The following ASMTL variants were observed in gnomAD, a reference collection of about 807,000 sequenced individuals.
The protein encoded by ASMTL is acetylserotonin O-methyltransferase like, also known as probable bifunctional dTTP/UTP pyrophosphatase/methyltransferase protein.
In ASMTL, 57 loss-of-function variants were observed where a neutral mutation model predicts 60.3. That is an observed-to-expected ratio of 0.95 (90% confidence interval 0.76 to 1.18). ASMTL has a LOEUF of 1.18. ASMTL is among the 50% of genes most tolerant of loss of function. The pLI, the probability that ASMTL is intolerant of heterozygous loss-of-function variation, is 0.00. For missense variants in ASMTL, 981 were observed against 852.6 expected (o/e 1.15, Z -1.88); for synonymous variants, 419 against 373.0 (o/e 1.12, Z -1.42).
intron 11 of ASMTL, among the ~76,000 whole-genome samples, chrX:1,417,052 G>A (rs1223338163): frequency 3.4e-5 from 5 of 147,978 alleles, no homozygotes; most frequent in Non-Finnish European, 7.5e-5. Flanking sequence ...CACAGCAGAT[G>A]CTCACATATC....
rs187264905 is a variant in ASMTL, at chrX:1,418,023, G to C, written c.1472C>G (p.Ala491Gly). 1 of 1,613,666 alleles carries C rather than the reference G, an allele frequency of 6.2e-7. No individual in the cohort carries two copies. The highest frequency in any genetic ancestry group is 2.2e-5 in the East Asian group (1 of 44,878). ...CTGCGGTCCGGGGGGTTGGAAGTGG[G>C]CGGCCAGCTCGATAATGTCTGGGAG... The part of the protein sequence containing the change: ...FDLPDIIELA[A>G]HFQPPGPQAV... The change falls in exon 11 of 13, where the codon GCC becomes GGC. Residue 491 changes from alanine to glycine, a missense_variant. By Grantham distance (60) the Ala-to-Gly change is moderately conservative (BLOSUM62 0). Transcript: ENST00000381317.
intron 5 of ASMTL, among the ~76,000 whole-genome samples, chrX:1,432,744 G>A (rs776766073): frequency 7.3e-3 from 792 of 108,138 alleles, no homozygotes; most frequent in Middle Eastern, 0.024. Context: ...CAGGAGAATC[G>A]CTTGAACCCG....
At chrX:1,435,916 T>C in intron 3 of ASMTL, 158 bp from the exon 4 acceptor site, 1 of 164,036 alleles carries the variant, frequency 6.1e-6, no homozygotes, top group Non-Finnish European at 1.3e-5. Flanking sequence ...GTTGCCATGT[T>C]GTACCACCAC....
At chrX:1,425,732 G>A (rs779159028) in intron 7 of ASMTL, 45 bp from the exon 8 acceptor site, 2 of 1,588,470 alleles carry the variant, frequency 1.3e-6, no homozygotes, top group Admixed American at 1.7e-5. Flanking sequence ...CCCTTGTCCA[G>A]TACTTTCTAC....
At chrX:1,416,865 A>G (rs1301676045) in intron 11 of ASMTL, among the ~76,000 whole-genome samples, 1 of 150,854 alleles carries the variant, frequency 6.6e-6, no homozygotes, top group East Asian at 1.9e-4. Flanking sequence ...ACATGTACAC[A>G]TATATCCACA....
At chrX:1,429,359 A>T (rs1174160662) in intron 6 of ASMTL, among the ~76,000 whole-genome samples, 12 of 151,558 alleles carry the variant, frequency 7.9e-5, no homozygotes, top group Non-Finnish European at 2.9e-5. Flanking sequence ...GGACACACTC[A>T]GCTAGTTTTA....
chrX:1,415,822 A>C (rs748269499), intron 11 of ASMTL, among the ~76,000 whole-genome samples: 12 of 152,312 alleles, frequency 7.9e-5, no homozygotes, highest in African/African-American at 2.6e-4. Flanking sequence ...AGAGACACGC[A>C]CAGGCAGACC....
chrX:1,425,333 C>T (rs2090588532), intron 8 of ASMTL, among the ~76,000 whole-genome samples, 192 bp downstream of exon 8: 3 of 152,180 alleles, frequency 2.0e-5, no homozygotes, highest in Admixed American at 1.3e-4. Flanking sequence ...CCTATGTGCT[C>T]GCGGCTGCCA....
chrX:1,427,048 T>C lies in ASMTL; in HGVS notation c.897+686A>G, dbSNP rs1374092246. ...AGGGTCTTTGCAGACGTAAGTAAGC[T>C]AGGGGACTTCAGATGAGTTGGAGTC... On this transcript the variant is annotated intron_variant, in intron 7 of 12. Coordinates refer to ENST00000381317, the MANE Select transcript of ASMTL (RefSeq NM_004192.4). Among the ~76,000 whole-genome samples the C allele has an allele frequency of 3.3e-5, 5 of 152,218 alleles. No homozygotes were observed. The East Asian group carries it at 9.6e-4, about 29-fold the overall frequency.
In ASMTL at chrX:1,405,837, G is replaced by T. The variant is rs187767380; in HGVS notation, c.1646-2348C>A. 4.7e-3 allele frequency among the ~76,000 whole-genome samples: 711 copies of T among 150,436 alleles called. 3 individuals are homozygous for T. The highest frequency in any genetic ancestry group is 0.016 in the African/African-American group (675 of 40,910). ...GTTGGGTGAATAGATGGTAGCTGAT[G>T]GGTACATAGGTAGATGGATGGATGG... On this transcript the variant is annotated intron_variant, in intron 12 of 12. Transcript: ENST00000381317.
intron 6 of ASMTL, among the ~76,000 whole-genome samples, chrX:1,430,504 G>GC (rs1385790960): frequency 6.6e-6 from 1 of 152,010 alleles, no homozygotes; most frequent in Non-Finnish European, 1.5e-5. Context: ...GTGTGTTGGT[G>GC]CGTGTCCTGT....
At chrX:1,433,405 C>A (rs1472875583) in intron 5 of ASMTL, among the ~76,000 whole-genome samples, 1 of 150,168 alleles carries the variant, frequency 6.7e-6, no homozygotes, top group Non-Finnish European at 1.5e-5. Context: ...GTGGCTCACG[C>A]CTGTCATCCC....
chrX:1,437,623 C>T (rs1215549561), intron 3 of ASMTL, among the ~76,000 whole-genome samples: 4 of 152,156 alleles, frequency 2.6e-5, no homozygotes, highest in Non-Finnish European at 5.9e-5. Context: ...ATGGGCCGGG[C>T]GTGGTGGCTC....
At chrX:1,453,647 G>A (rs1463776562), upstream of ASMTL, 1 of 151,294 alleles carries the variant, frequency 6.6e-6, no homozygotes, top group Non-Finnish European at 1.5e-5. Flanking sequence ...GCGCAGAGAT[G>A]GGGGTCTTGT....
At chrX:1,411,149 A>C (rs1185146356) in intron 12 of ASMTL, among the ~76,000 whole-genome samples, 1 of 152,040 alleles carries the variant, frequency 6.6e-6, no homozygotes, top group African/African-American at 2.4e-5. Flanking sequence ...GTGCCACTGC[A>C]CTCCAGCCTG....
chrX:1,426,469 A>G (rs2090613482), intron 7 of ASMTL, among the ~76,000 whole-genome samples: 1 of 151,876 alleles, frequency 6.6e-6, no homozygotes, highest in Non-Finnish European at 1.5e-5. Flanking sequence ...TGCTTCCCGG[A>G]GGACGCCCTG....
intron 3 of ASMTL, among the ~76,000 whole-genome samples, chrX:1,436,492 A>G (rs1380433926): frequency 3.3e-5 from 5 of 152,128 alleles, no homozygotes; most frequent in African/African-American, 1.2e-4. Context: ...AGCTGGGACT[A>G]CAGGCGCCCG....
At chrX:1,414,866 C>T (rs1271652955) in intron 11 of ASMTL, among the ~76,000 whole-genome samples, 1 of 152,132 alleles carries the variant, frequency 6.6e-6, no homozygotes, top group Non-Finnish European at 1.5e-5. Context: ...TTGTGGAGGT[C>T]CCCAGCACCT....
At chrX:1,423,098 A>G (rs1404091156) in intron 8 of ASMTL, among the ~76,000 whole-genome samples, 2 of 151,906 alleles carry the variant, frequency 1.3e-5, no homozygotes, top group Non-Finnish European at 2.9e-5. Flanking sequence ...GACTACAGGC[A>G]CCCGCCACCG....
Sources: allele counts gnomAD v4.1 joint callset (sites outside exome capture counted in the v4.1 genomes callset), GRCh38; gene constraint gnomAD v4.1.1; transcripts MANE v1.5; gene names NCBI Gene and HGNC (gene_info 2026-07-23, HGNC 2026-07-21).